The following SHROOM3 variants were observed in gnomAD, a reference collection of about 807,000 sequenced individuals.
SHROOM3 encodes the protein shroom family member 3, also known as protein Shroom3.
A neutral mutation model predicts 138.6 loss-of-function variants in SHROOM3; 47 were observed. That is an observed-to-expected ratio of 0.34 (90% CI 0.27 to 0.43). The LOEUF (loss-of-function observed/expected upper bound fraction) is 0.43. Among genes scored for constraint, SHROOM3 ranks in the 20% least tolerant of loss-of-function variants. The probability of loss-of-function intolerance (pLI) is 1.00; values close to 1 mark genes in which losing one functional copy is unlikely to be tolerated. For synonymous variants in SHROOM3, 1,062 were observed against 1,063.3 expected (o/e 1.00, Z 0.02); for missense variants, 2,491 against 2,596.5 (o/e 0.96, Z 0.88).
intron 9 of SHROOM3, among the ~76,000 whole-genome samples, chr4:76,760,700 G>A (rs961499442): frequency 1.3e-5 from 2 of 152,210 alleles, no homozygotes; most frequent in East Asian, 3.8e-4. Flanking sequence ...CATTGTAGTA[G>A]CAAGCTCCCT....
At chr4:76,460,399 C>G (rs375354439) in intron 1 of SHROOM3, among the ~76,000 whole-genome samples, 1 of 152,154 alleles carries the variant, frequency 6.6e-6, no homozygotes, top group African/African-American at 2.4e-5. Context: ...ACCACCGTTG[C>G]GACCTTTATG....
At chr4:76,660,865 C>A (rs1736169311) in intron 2 of SHROOM3, among the ~76,000 whole-genome samples, 1 of 152,104 alleles carries the variant, frequency 6.6e-6, no homozygotes, top group Non-Finnish European at 1.5e-5. Flanking sequence ...TGCAGGAGCA[C>A]AATCATAGCT....
rs757930125 is a variant in SHROOM3 at position 76,740,870 on chromosome 4, G to A, written c.2697G>A (p.Glu899=). The A allele has an allele frequency of 5.2e-6, 8 of 1,550,598 alleles. No homozygotes were observed. In the East Asian group the frequency reaches 1.6e-4, roughly 31 times the overall value. Residue 899 remains glutamate, a synonymous_variant, in exon 5 of 11, where the codon GAG becomes GAA. Transcript: ENST00000296043. This position sits in a 1 kb window ranked among gnomAD's most constrained non-coding sequence, Gnocchi z 4.0. Reference sequence around the variant, plus strand: ...CCTTCCAGCTCTCCAGCGAGCCAGAGAGGGAGCCCGAGTGGCGGGACAGGC... The same window carrying A: ...CCTTCCAGCTCTCCAGCGAGCCAGAAAGGGAGCCCGAGTGGCGGGACAGGC... ...QSTFQLSSEP[E]REPEWRDRPG...
chr4:76,441,542 T>A (rs112865977), intron 1 of SHROOM3, among the ~76,000 whole-genome samples: 1 of 152,136 alleles, frequency 6.6e-6, no homozygotes, highest in Non-Finnish European at 1.5e-5. Flanking sequence ...CCTTTCTGAC[T>A]TTTTCCCTTT....
At chr4:76,487,435 A>T (rs1039246510) in intron 1 of SHROOM3, among the ~76,000 whole-genome samples, 1 of 152,228 alleles carries the variant, frequency 6.6e-6, no homozygotes, top group African/African-American at 2.4e-5. Flanking sequence ...TGTGGACATA[A>T]GCTTTTAATT....
chr4:76,690,644 A>T (rs1994858), intron 2 of SHROOM3, among the ~76,000 whole-genome samples: 102,128 of 152,162 alleles, frequency 0.67, 35,486 homozygotes, highest in East Asian at 0.94. Context: ...TTCCCCCAAA[A>T]AATTTCACCA....
At chr4:76,591,783 C>T (rs953959166) in intron 2 of SHROOM3, among the ~76,000 whole-genome samples, 1 of 151,068 alleles carries the variant, frequency 6.6e-6, no homozygotes, top group African/African-American at 2.4e-5. Flanking sequence ...CTGACTCATA[C>T]CCTCTTTGTG....
intron 2 of SHROOM3, among the ~76,000 whole-genome samples, chr4:76,629,640 G>A (rs1158537337): frequency 6.6e-6 from 1 of 152,188 alleles, no homozygotes; most frequent in Non-Finnish European, 1.5e-5. Flanking sequence ...GATGGGAGAT[G>A]TGGTTGGATT....
intron 2 of SHROOM3, among the ~76,000 whole-genome samples, chr4:76,673,279 C>T (rs952503138): frequency 6.6e-6 from 1 of 152,198 alleles, no homozygotes; most frequent in Admixed American, 6.5e-5. Context: ...GTTGGAATCA[C>T]ACTGTGTGAT....
chr4:76,726,191 C>G lies in SHROOM3; in HGVS notation c.456-4613C>G, dbSNP rs146466055. Among the ~76,000 whole-genome samples, 831 of 152,182 alleles carry G rather than the reference C, an allele frequency of 5.5e-3. 7 individuals carry two copies. The highest frequency in any genetic ancestry group is 0.019 in the African/African-American group (778 of 41,530). On this transcript the variant is annotated intron_variant, in intron 3 of 10. Transcript: ENST00000296043. ...ACAGTTTCCTCCTCCTCCTCACTCT[C>G]CCCACTAGAAATCTGTGAGACTCCC...
intron 9 of SHROOM3, 107 bp downstream of exon 9, chr4:76,759,802 C>A: frequency 7.6e-7 from 1 of 1,311,198 alleles, no homozygotes; most frequent in Non-Finnish European, 1.1e-6. Flanking sequence ...GGGAAAGGAC[C>A]TGTCACATCA....
intron 1 of SHROOM3, among the ~76,000 whole-genome samples, chr4:76,528,644 C>A (rs1243322776): frequency 1.3e-5 from 2 of 150,240 alleles, no homozygotes; most frequent in East Asian, 3.9e-4. Context: ...CTTCTACCTC[C>A]CGGGTTCAAG....
At chr4:76,600,253 A>G (rs1015260887) in intron 2 of SHROOM3, among the ~76,000 whole-genome samples, 5 of 152,204 alleles carry the variant, frequency 3.3e-5, no homozygotes, top group African/African-American at 9.6e-5. Flanking sequence ...CTGATTGTAT[A>G]TCACGTTGCC....
chr4:76,613,564 A>G (rs1419695906), intron 2 of SHROOM3, among the ~76,000 whole-genome samples: 2 of 152,306 alleles, frequency 1.3e-5, no homozygotes, highest in African/African-American at 4.8e-5. Flanking sequence ...TTGGGAACAT[A>G]CTACAGATGT....
chr4:76,688,794 G>T (rs1057404888), intron 2 of SHROOM3: 6 of 985,166 alleles, frequency 6.1e-6, no homozygotes, highest in Admixed American at 6.2e-5. Flanking sequence ...CATGACGACC[G>T]AAAGAATCAC....
intron 6 of SHROOM3, among the ~76,000 whole-genome samples, chr4:76,753,755 C>CT (rs1305012293): frequency 6.6e-6 from 1 of 152,200 alleles, no homozygotes; most frequent in Non-Finnish European, 1.5e-5. Flanking sequence ...AGGTGAGACT[C>CT]TCCCCCTCCT....
intron 1 of SHROOM3, among the ~76,000 whole-genome samples, chr4:76,440,508 A>T (rs913693392): frequency 6.6e-6 from 1 of 152,210 alleles, no homozygotes; most frequent in African/African-American, 2.4e-5. Context: ...GGGGAATTTT[A>T]AAAAATACAT....
chr4:76,668,048 C>T (rs927215568), intron 2 of SHROOM3, among the ~76,000 whole-genome samples: 1 of 150,838 alleles, frequency 6.6e-6, no homozygotes, highest in Non-Finnish European at 1.5e-5. Context: ...GTCACGCCCC[C>T]TCTCCCTTGT....
chr4:76,730,527 G>A (rs577064210), intron 3 of SHROOM3, among the ~76,000 whole-genome samples: 3 of 152,306 alleles, frequency 2.0e-5, no homozygotes, highest in South Asian at 4.1e-4. Flanking sequence ...AAGTCTAGGC[G>A]AAGTTTATGT....
Sources: allele counts gnomAD v4.1 joint callset (sites outside exome capture counted in the v4.1 genomes callset), GRCh38; gene constraint gnomAD v4.1.1; non-coding constraint Gnocchi (gnomAD v3.1); transcripts MANE v1.5; gene names NCBI Gene and HGNC (gene_info 2026-07-23, HGNC 2026-07-21).